WASF3: variants seen among roughly 807,000 people sequenced by gnomAD.
WASF3 encodes the protein WASP family member 3, also known as actin-binding protein WASF3.
In WASF3, 11 loss-of-function variants were observed where a neutral mutation model predicts 46.6. That is an observed-to-expected ratio of 0.24 (90% CI 0.15 to 0.39). The LOEUF (loss-of-function observed/expected upper bound fraction) is 0.39, where lower values mean the gene tolerates loss of function less well. Ranked by LOEUF, WASF3 falls within the 10% of genes least tolerant of loss-of-function variation. The pLI is 1.00. For synonymous variants in WASF3, 242 were observed against 259.7 expected (o/e 0.93, Z 0.65); for missense variants, 576 against 669.8 (o/e 0.86, Z 1.55).
intron 3 of WASF3, among the ~76,000 whole-genome samples, chr13:26,650,694 A>T (rs1882288018): frequency 6.6e-6 from 1 of 152,172 alleles, no homozygotes; most frequent in African/African-American, 2.4e-5. Context: ...AATGGAAATC[A>T]TTTTTTTAAA....
chr13:26,681,711 G>C (rs966093553), intron 8 of WASF3, among the ~76,000 whole-genome samples: 9 of 152,070 alleles, frequency 5.9e-5, no homozygotes, highest in Non-Finnish European at 8.8e-5. Flanking sequence ...ACACCATGCA[G>C]CTCCTGTGCC....
intron 2 of WASF3, among the ~76,000 whole-genome samples, chr13:26,630,974 G>C (rs1222842623): frequency 6.6e-6 from 1 of 152,154 alleles, no homozygotes; most frequent in Non-Finnish European, 1.5e-5. Flanking sequence ...AGAAGTGTCT[G>C]TTCATATCCT....
rs1334581911 is a variant in WASF3 at position 26,686,908 on chromosome 13, A to G, written c.*1063A>G. On this transcript the variant is annotated 3_prime_UTR_variant, in exon 10 of 10. Transcript: ENST00000335327. Reference sequence around the variant, plus strand: ...AGATATTGACAGCTATTCACCTTTCACGGTGCTGGGGCCAGATTAGGGATC... The same window carrying G: ...AGATATTGACAGCTATTCACCTTTCGCGGTGCTGGGGCCAGATTAGGGATC... 1 of 152,248 alleles carries G rather than the reference A, an allele frequency of 6.6e-6. No individual in the cohort carries two copies. 9.4% of individuals were successfully genotyped at this position (152,248 alleles called of 1,614,324 possible). A position where few individuals can be genotyped will look rare whatever the true frequency, so the allele number is the denominator to read the frequency against.
intron 2 of WASF3, among the ~76,000 whole-genome samples, chr13:26,628,204 G>T (rs926528897): frequency 2.0e-5 from 3 of 152,088 alleles, no homozygotes; most frequent in African/African-American, 7.2e-5. Flanking sequence ...CATCTGCCTG[G>T]GGCTCCAAAT....
intron 2 of WASF3, among the ~76,000 whole-genome samples, chr13:26,613,921 A>G (rs1443194958): frequency 6.6e-6 from 1 of 152,166 alleles, no homozygotes. Flanking sequence ...TTAAGGGGTA[A>G]TTGAGGAGCA....
Position 26,679,017 on chromosome 13 carries a change from G to T in WASF3, c.717-2037G>T, listed in dbSNP as rs990060409. Among the ~76,000 whole-genome samples, 1 of 147,046 alleles carries T rather than the reference G, an allele frequency of 6.8e-6. No individual in the cohort carries two copies. The highest frequency in any genetic ancestry group is 1.5e-5 in the Non-Finnish European group (1 of 66,956). On this transcript the variant is annotated intron_variant, in intron 7 of 9. Transcript: ENST00000335327. This position sits in a 1 kb window ranked among gnomAD's most constrained non-coding sequence, Gnocchi z 4.8. ...GCCCTCTTCCTCCTCCTCCCGTGTCGGTGTCATCTCCGGCCCTCCCGGCCC... is the reference window on the plus strand; with the variant it reads ...GCCCTCTTCCTCCTCCTCCCGTGTCTGTGTCATCTCCGGCCCTCCCGGCCC...
intron 2 of WASF3, among the ~76,000 whole-genome samples, chr13:26,637,003 C>T (rs7332305): frequency 0.021 from 3,130 of 152,322 alleles, 111 homozygotes; most frequent in African/African-American, 0.071. Flanking sequence ...TTATCTGCCA[C>T]CCTCTGGAGC....
At chr13:26,570,664 G>A (rs1444934425) in intron 1 of WASF3, among the ~76,000 whole-genome samples, 3 of 152,138 alleles carry the variant, frequency 2.0e-5, no homozygotes, top group Non-Finnish European at 4.4e-5. Flanking sequence ...TTCACATAGT[G>A]TGAATATGAT....
chr13:26,543,726 G>T, the WASF3 span, among the ~76,000 whole-genome samples: 4 of 152,250 alleles, frequency 2.6e-5, no homozygotes, highest in South Asian at 4.2e-4. Flanking sequence ...CTGCCTCAAG[G>T]TTCTCTTTCA....
Position 26,631,966 on chromosome 13 carries a change from CTT to C in WASF3, c.-10-10293_-10-10292del, listed in dbSNP as rs1271951903. On this transcript the variant is annotated intron_variant, in intron 2 of 9. Transcript: ENST00000335327. ...ATGGGAGTTCACTCATGATTTGGCT[CTT>C]TGTTTGTCTGTTATTGGTGTATAGG... Among the ~76,000 whole-genome samples the C allele has an allele frequency of 3.9e-5, 6 of 152,228 alleles. No homozygotes were observed. The South Asian group carries it at 1.0e-3, about 26-fold the overall frequency.
At chr13:26,561,035 G>C (rs1000039124) in intron 1 of WASF3, among the ~76,000 whole-genome samples, 3 of 152,112 alleles carry the variant, frequency 2.0e-5, no homozygotes, top group Non-Finnish European at 4.4e-5. Context: ...TGATGCACTG[G>C]AGCAACCACA....
chr13:26,607,064 G>A (rs1880821385), intron 1 of WASF3, among the ~76,000 whole-genome samples: 2 of 152,124 alleles, frequency 1.3e-5, no homozygotes, highest in Admixed American at 1.3e-4. Context: ...GTTATCATAG[G>A]TATGTCTGTA....
chr13:26,570,857 A>G (rs996051367), intron 1 of WASF3, among the ~76,000 whole-genome samples: 11 of 152,146 alleles, frequency 7.2e-5, no homozygotes, highest in African/African-American at 2.7e-4. Flanking sequence ...TGTATATGTA[A>G]TCTTGTTAGA....
intron 3 of WASF3, among the ~76,000 whole-genome samples, chr13:26,653,594 C>T (rs1882381108): frequency 6.6e-6 from 1 of 152,202 alleles, no homozygotes; most frequent in South Asian, 2.1e-4. Flanking sequence ...GAGAAACTCT[C>T]TTCACCTGCA....
At chr13:26,598,963 A>C (rs796370576) in intron 1 of WASF3, among the ~76,000 whole-genome samples, 3 of 152,144 alleles carry the variant, frequency 2.0e-5, no homozygotes, top group African/African-American at 7.2e-5. Flanking sequence ...CTCTGTCTCC[A>C]GGGTTCAAAC....
At chr13:26,656,577 T>C (rs1882472533) in intron 3 of WASF3, among the ~76,000 whole-genome samples, 1 of 151,818 alleles carries the variant, frequency 6.6e-6, no homozygotes, top group South Asian at 2.1e-4. Flanking sequence ...CCAAGAAACA[T>C]GACTTCCTGG....
upstream of WASF3, among the ~76,000 whole-genome samples, chr13:26,556,593 G>T (rs535189290): frequency 2.6e-4 from 39 of 152,244 alleles, no homozygotes; most frequent in African/African-American, 8.9e-4. Context: ...AAGTAATGCA[G>T]GTTAATAGAT....
chr13:26,598,036 G>A (rs910064951), intron 1 of WASF3, among the ~76,000 whole-genome samples: 53 of 152,226 alleles, frequency 3.5e-4, no homozygotes, highest in African/African-American at 1.2e-3. Flanking sequence ...CTGAGGAATC[G>A]CCACACTGAC....
chr13:26,586,876 A>T (rs887059201), intron 1 of WASF3, among the ~76,000 whole-genome samples: 2 of 152,036 alleles, frequency 1.3e-5, no homozygotes, highest in Non-Finnish European at 2.9e-5. Context: ...CTCATCACTA[A>T]ATAGAGCTAT....
Sources: gnomAD v4.1 joint callset for allele counts (sites outside exome capture counted in the v4.1 genomes callset) on GRCh38, gnomAD v4.1.1 for gene constraint, Gnocchi (gnomAD v3.1) non-coding constraint, MANE v1.5 for transcripts, NCBI Gene and HGNC (gene_info 2026-07-23, HGNC 2026-07-21) for gene names.